The following SCRN1 variants were observed in gnomAD, a reference collection of about 807,000 sequenced individuals.
SCRN1 encodes the protein secernin-1.
In SCRN1, 19 loss-of-function variants were observed where a neutral mutation model predicts 43.3. The ratio of observed to expected loss-of-function variants is 0.44; its 90% confidence interval spans 0.31 to 0.64. The LOEUF (loss-of-function observed/expected upper bound fraction) is 0.64, where lower values mean the gene tolerates loss of function less well. Among genes scored for constraint, SCRN1 ranks in the 30% least tolerant of loss-of-function variants. SCRN1 has a pLI of 0.09. For missense variants in SCRN1, 447 were observed against 524.1 expected (o/e 0.85, Z 1.44); for synonymous variants, 183 against 188.9 (o/e 0.97, Z 0.26).
At position 29,955,363 on chromosome 7, in the gene SCRN1, G is replaced by A. The variant is rs111444261; in HGVS notation, c.160-3C>T. On this transcript the variant is annotated splice_polypyrimidine_tract_variant and splice_region_variant and intron_variant, in intron 2 of 7. Transcript: ENST00000242059. ...TGGTCGATTGAAATGTAAGTGCACT[G>A]AAAAACAAACACAGGAAAGAAAGCG... 8.7e-6 allele frequency: 14 copies of A among 1,611,858 alleles called. No homozygotes were observed. The highest frequency in any genetic ancestry group is 1.2e-5 in the Non-Finnish European group (14 of 1,179,252).
chr7:29,984,639 C>G (rs1453990550), intron 1 of SCRN1, among the ~76,000 whole-genome samples: 1 of 151,604 alleles, frequency 6.6e-6, no homozygotes, highest in African/African-American at 2.4e-5. Context: ...TAGAGAATTA[C>G]AAATTAAAGG....
At chr7:29,928,599 C>T (rs1787051707) in intron 6 of SCRN1, among the ~76,000 whole-genome samples, 2 of 152,120 alleles carry the variant, frequency 1.3e-5, no homozygotes, top group Non-Finnish European at 2.9e-5. Flanking sequence ...GAGACTGGGC[C>T]CATCTCCGAT....
chr7:29,959,395 T>C (rs1364102357), intron 2 of SCRN1, among the ~76,000 whole-genome samples: 1 of 152,252 alleles, frequency 6.6e-6, no homozygotes, highest in East Asian at 1.9e-4. Context: ...GGGTTTTTTA[T>C]TTATTTAAAA....
At chr7:29,976,078 A>G (rs1788825942) in intron 1 of SCRN1, among the ~76,000 whole-genome samples, 1 of 152,180 alleles carries the variant, frequency 6.6e-6, no homozygotes, top group Non-Finnish European at 1.5e-5. Flanking sequence ...ACGTTGGCAG[A>G]GTATAAAAAA....
At chr7:29,985,465 A>G (rs1789120245) in intron 1 of SCRN1, among the ~76,000 whole-genome samples, 1 of 152,020 alleles carries the variant, frequency 6.6e-6, no homozygotes, top group African/African-American at 2.4e-5. Context: ...TGGTGTGCTC[A>G]AGGCCAAACT....
intron 6 of SCRN1, among the ~76,000 whole-genome samples, chr7:29,933,176 G>C (rs755266001): frequency 1.3e-5 from 2 of 152,154 alleles, no homozygotes; most frequent in Non-Finnish European, 2.9e-5. Flanking sequence ...GGCCGCACCT[G>C]GCCTGTATCT....
At chr7:29,975,786 TTCTAATTAATGAAACAC>T (rs1375533873) in intron 1 of SCRN1, among the ~76,000 whole-genome samples, 2 of 152,238 alleles carry the variant, frequency 1.3e-5, no homozygotes, top group Non-Finnish European at 2.9e-5. Context: ...ACACTGACAG[TTCTAATTAATGAAACAC>T]TCTAATTTAA....
intron 7 of SCRN1, among the ~76,000 whole-genome samples, chr7:29,925,624 T>C (rs1417558493): frequency 3.3e-5 from 5 of 152,222 alleles, no homozygotes; most frequent in Non-Finnish European, 7.3e-5. Flanking sequence ...GGTGGTTTTC[T>C]TGTTTGAATT....
Position 29,979,320 on chromosome 7 carries a change from G to A in SCRN1, c.-1-10252C>T, listed in dbSNP as rs538182703. 6.8e-4 allele frequency among the ~76,000 whole-genome samples: 104 copies of A among 152,136 alleles called. 1 individual carries two copies. In the South Asian group the frequency reaches 0.019, roughly 28 times the overall value. ...AGGGGTTGCAGTGAGCCGAGATCAC[G>A]CCACTGCACTCCAGCCTAGATGACA... On this transcript the variant is annotated intron_variant, in intron 1 of 7. Transcript: ENST00000242059.
At chr7:29,948,656 G>C (rs1787813395) in intron 3 of SCRN1, among the ~76,000 whole-genome samples, 1 of 152,196 alleles carries the variant, frequency 6.6e-6, no homozygotes, top group Non-Finnish European at 1.5e-5. Flanking sequence ...AATGGGACTA[G>C]CAAAAGTCAG....
chr7:29,924,761 C>CTCT (rs369716574), intron 7 of SCRN1, among the ~76,000 whole-genome samples: 7 of 152,074 alleles, frequency 4.6e-5, no homozygotes, highest in African/African-American at 1.7e-4. Flanking sequence ...CCATGTCTCT[C>CTCT]CCCTGTTCAC....
intron 6 of SCRN1, 133 bp from the exon 7 acceptor site, chr7:29,926,765 G>A: frequency 1.5e-6 from 1 of 676,064 alleles, no homozygotes; most frequent in African/African-American, 1.8e-5. Context: ...ACGGGTGGGT[G>A]GGTGAGTGCC....
At chr7:29,955,515 A>C (rs1788108936) in intron 2 of SCRN1, among the ~76,000 whole-genome samples, 155 bp from the exon 3 acceptor site, 1 of 152,264 alleles carries the variant, frequency 6.6e-6, no homozygotes, top group African/African-American at 2.4e-5. Flanking sequence ...TTCACAATGC[A>C]GCTCAAAAGT....
intron 2 of SCRN1, among the ~76,000 whole-genome samples, chr7:29,958,041 G>A (rs1562814860): frequency 6.6e-6 from 1 of 152,198 alleles, no homozygotes; most frequent in Non-Finnish European, 1.5e-5. Flanking sequence ...TGGTGAGGAA[G>A]GAAGGGGATC....
At chr7:29,987,315 T>C (rs965598224) in intron 1 of SCRN1, among the ~76,000 whole-genome samples, 4 of 152,228 alleles carry the variant, frequency 2.6e-5, no homozygotes, top group African/African-American at 7.2e-5. Context: ...ATGCAAATCA[T>C]AGGAAAAGCC....
At chr7:29,982,447 A>G (rs1036332510) in intron 1 of SCRN1, among the ~76,000 whole-genome samples, 6 of 147,286 alleles carry the variant, frequency 4.1e-5, no homozygotes, top group Non-Finnish European at 1.5e-5. Flanking sequence ...TGGGAGGCTG[A>G]GACAGCAGGA....
chr7:29,961,359 CAT>C (rs1788303723), intron 2 of SCRN1, among the ~76,000 whole-genome samples: 1 of 122,834 alleles, frequency 8.1e-6, no homozygotes, highest in African/African-American at 3.2e-5. Flanking sequence ...GGACACAGCA[CAT>C]GTTTCAGAGA....
intron 6 of SCRN1, among the ~76,000 whole-genome samples, chr7:29,935,552 G>A (rs1430455170): frequency 1.3e-5 from 2 of 152,208 alleles, no homozygotes; most frequent in Non-Finnish European, 2.9e-5. Context: ...TCTAGGCTGA[G>A]GATCAGACTT....
At chr7:29,971,025 T>A (rs897278985) in intron 1 of SCRN1, among the ~76,000 whole-genome samples, 1 of 152,208 alleles carries the variant, frequency 6.6e-6, no homozygotes, top group South Asian at 2.1e-4. Context: ...TTACAGGCAC[T>A]CAAGAAACAT....
Sources: gnomAD v4.1 joint callset for allele counts (sites outside exome capture counted in the v4.1 genomes callset) on GRCh38, gnomAD v4.1.1 for gene constraint, MANE v1.5 for transcripts, NCBI Gene and HGNC (gene_info 2026-07-23, HGNC 2026-07-21) for gene names.